Variants in SLMAP observed in about 807,000 individuals in gnomAD.
SLMAP encodes sarcolemmal membrane-associated protein.
A neutral mutation model predicts 128.8 loss-of-function variants in SLMAP; 44 were observed. The ratio of observed to expected loss-of-function variants is 0.34; its 90% confidence interval spans 0.27 to 0.44. The LOEUF is 0.44. Ranked by LOEUF, SLMAP falls within the 20% of genes least tolerant of loss-of-function variation. The pLI, the probability that SLMAP is intolerant of heterozygous loss-of-function variation, is 1.00. For missense variants in SLMAP, 787 were observed against 985.3 expected (o/e 0.80, Z 2.69); for synonymous variants, 327 against 348.8 (o/e 0.94, Z 0.70).
intron 13 of SLMAP, 34 bp downstream of exon 13, chr3:57,865,326 T>TTATGA: frequency 1.1e-6 from 1 of 891,002 alleles, no homozygotes; most frequent in East Asian, 2.7e-5. Context: ...TATATACTTT[T>TTATGA]TATGATATCA....
chr3:57,829,816 G>A (rs1577179083), intron 2 of SLMAP, among the ~76,000 whole-genome samples: 1 of 152,268 alleles, frequency 6.6e-6, no homozygotes, highest in East Asian at 1.9e-4. Flanking sequence ...TTAGTCTTTA[G>A]TTGTATTTAA....
intron 2 of SLMAP, among the ~76,000 whole-genome samples, chr3:57,788,837 G>A (rs1477454052): frequency 6.6e-6 from 1 of 152,182 alleles, no homozygotes; most frequent in Non-Finnish European, 1.5e-5. Flanking sequence ...CTCGCCGGCA[G>A]TTGGTTAAGA....
chr3:57,758,023 T>A (rs549342477), intron 2 of SLMAP, among the ~76,000 whole-genome samples, 174 bp downstream of exon 2: 2 of 152,084 alleles, frequency 1.3e-5, no homozygotes, highest in East Asian at 3.9e-4. Flanking sequence ...TTGATTGAGG[T>A]GGTTGAATGG....
At chr3:57,906,007 T>C (rs1274165446) in intron 17 of SLMAP, among the ~76,000 whole-genome samples, 2 of 144,314 alleles carry the variant, frequency 1.4e-5, no homozygotes, top group Non-Finnish European at 3.0e-5. Context: ...ACCACTTGAA[T>C]GTAAGATGCA....
intron 19 of SLMAP, among the ~76,000 whole-genome samples, chr3:57,911,924 A>T (rs905777832): frequency 5.0e-5 from 2 of 40,128 alleles, no homozygotes; most frequent in South Asian, 1.0e-3. Flanking sequence ...GATTCACCCT[A>T]AAAAAAAAAA....
chr3:57,823,097 G>C (rs1275600632), intron 2 of SLMAP, among the ~76,000 whole-genome samples: 1 of 152,066 alleles, frequency 6.6e-6, no homozygotes, highest in Non-Finnish European at 1.5e-5. Flanking sequence ...ACAAGAAAGA[G>C]GAAAGTATGG....
intron 17 of SLMAP, among the ~76,000 whole-genome samples, chr3:57,906,069 A>T (rs1195059444): frequency 6.6e-6 from 1 of 151,056 alleles, no homozygotes; most frequent in Non-Finnish European, 1.5e-5. Flanking sequence ...AAAAAAAAAA[A>T]AAGAGCATTA....
At chr3:57,857,945 G>C in intron 7 of SLMAP, 117 bp downstream of exon 7, 1 of 947,958 alleles carries the variant, frequency 1.1e-6, no homozygotes, top group Non-Finnish European at 1.6e-6. Context: ...TAATGAACAA[G>C]TTGTTGAAGA....
At chr3:57,782,398 T>G (rs2083261940) in intron 2 of SLMAP, among the ~76,000 whole-genome samples, 1 of 152,234 alleles carries the variant, frequency 6.6e-6, no homozygotes, top group African/African-American at 2.4e-5. Context: ...AAAAGGTGTT[T>G]TGTTACTGTG....
chr3:57,811,076 GATAAA>G (rs2090880477), intron 2 of SLMAP, among the ~76,000 whole-genome samples: 2 of 152,158 alleles, frequency 1.3e-5, no homozygotes, highest in Non-Finnish European at 1.5e-5. Context: ...TTTTTATTGT[GATAAA>G]ATAAATGTAA....
intron 2 of SLMAP, among the ~76,000 whole-genome samples, chr3:57,766,165 ATTTTTTTTT>A (rs869169620): frequency 1.4e-4 from 12 of 85,704 alleles, no homozygotes; most frequent in African/African-American, 5.2e-4. Context: ...CACCCGGCTA[ATTTTTTTTT>A]TTTTTTTTTT....
At chr3:57,838,479 C>T (rs182895896) in intron 3 of SLMAP, among the ~76,000 whole-genome samples, 5 of 152,308 alleles carry the variant, frequency 3.3e-5, no homozygotes, top group African/African-American at 1.2e-4. Flanking sequence ...GCTTTCTGTA[C>T]CAGATGACTC....
intron 18 of SLMAP, 130 bp downstream of exon 18, chr3:57,908,136 AT>A: frequency 1.2e-6 from 1 of 815,592 alleles, no homozygotes; most frequent in Non-Finnish European, 1.9e-6. Flanking sequence ...ATCTTGGTAT[AT>A]TTACTTGACC....
chr3:57,803,094 A>G (rs760122538), intron 2 of SLMAP, among the ~76,000 whole-genome samples: 13 of 152,338 alleles, frequency 8.5e-5, no homozygotes, highest in Non-Finnish European at 1.3e-4. Flanking sequence ...ATGAGCAACT[A>G]CTACAGTCTA....
chr3:57,820,744 G>A (rs1189773431), intron 2 of SLMAP, among the ~76,000 whole-genome samples: 1 of 152,212 alleles, frequency 6.6e-6, no homozygotes, highest in Non-Finnish European at 1.5e-5. Context: ...GGGGGACTCA[G>A]CTCTCTCTGG....
intron 2 of SLMAP, among the ~76,000 whole-genome samples, chr3:57,760,720 T>TAAA: frequency 6.9e-6 from 1 of 144,108 alleles, no homozygotes; most frequent in East Asian, 2.0e-4. Flanking sequence ...CCCTGTCTCT[T>TAAA]AAAAAAAAAA....
chr3:57,759,669 C>T (rs1575972944), intron 2 of SLMAP, among the ~76,000 whole-genome samples: 1 of 152,332 alleles, frequency 6.6e-6, no homozygotes, highest in Non-Finnish European at 1.5e-5. Flanking sequence ...CTTAACTCAA[C>T]CAGCTTTTAC....
At chr3:57,801,485 C>T (rs1255601065) in intron 2 of SLMAP, 1 of 152,342 alleles carries the variant, frequency 6.6e-6, no homozygotes, top group Non-Finnish European at 1.5e-5. Context: ...TGGAGGTGGG[C>T]ATCTTCCTCT....
intron 17 of SLMAP, chr3:57,897,918 G>A (rs1348810146): frequency 6.6e-6 from 1 of 152,162 alleles, no homozygotes; most frequent in African/African-American, 2.4e-5. Context: ...TCTCTTTTAT[G>A]TTGCCTTATT....
Sources: gnomAD v4.1 joint callset for allele counts (sites outside exome capture counted in the v4.1 genomes callset) on GRCh38, gnomAD v4.1.1 for gene constraint, MANE v1.5 for transcripts, NCBI Gene and HGNC (gene_info 2026-07-23, HGNC 2026-07-21) for gene names.